KDM2A: variants seen among roughly 807,000 people sequenced by gnomAD.
KDM2A encodes lysine-specific demethylase 2A.
KDM2A carries 3 observed loss-of-function variants against 137.3 expected under a neutral mutation model. The observed-to-expected ratio is 0.02, with a 90% CI of 0.01 to 0.06. The LOEUF (loss-of-function observed/expected upper bound fraction) is 0.06, where lower values mean the gene tolerates loss of function less well. KDM2A is among the 10% of genes least tolerant of loss of function. The pLI, the probability that KDM2A is intolerant of heterozygous loss-of-function variation, is 1.00. For synonymous variants in KDM2A, 512 were observed against 541.5 expected (o/e 0.95, Z 0.76); for missense variants, 738 against 1,510.6 (o/e 0.49, Z 8.48).
At chr11:67,253,290 A>G (rs1056312912) in intron 18 of KDM2A, among the ~76,000 whole-genome samples, 163 bp from the exon 19 acceptor site, 1 of 152,242 alleles carries the variant, frequency 6.6e-6, no homozygotes, top group African/African-American at 2.4e-5. Flanking sequence ...TAGAAGATGT[A>G]GTATAGGATA....
chr11:67,144,710 C>T (rs1423353688), intron 2 of KDM2A, among the ~76,000 whole-genome samples: 3 of 151,414 alleles, frequency 2.0e-5, no homozygotes, highest in African/African-American at 4.9e-5. Context: ...AGTACCGGCA[C>T]GCACCACGAA....
chr11:67,217,712 A>T lies in KDM2A; in HGVS notation c.688-19A>T, dbSNP rs751785296. The stretch of plus-strand genomic sequence containing the variant: ...TCATGTCAATGGCTGTTAACAGACT[A>T]AAGTTTTTTAACTCACAGGTCTTCT... On this transcript the variant is annotated intron_variant, in intron 8 of 20. Coordinates refer to ENST00000529006, the MANE Select transcript of KDM2A (RefSeq NM_012308.3). 2 of 1,612,570 alleles carry T rather than the reference A, an allele frequency of 1.2e-6. No individual in the cohort carries two copies. Among genetic ancestry groups the T allele is most frequent in the East Asian group, 2.2e-5 (1 of 44,874 alleles).
intron 2 of KDM2A, among the ~76,000 whole-genome samples, chr11:67,126,400 C>T (rs1413347358): frequency 2.0e-5 from 3 of 151,808 alleles, no homozygotes; most frequent in African/African-American, 4.8e-5. Context: ...CATAGACCCC[C>T]GTTTCTCACA....
chr11:67,143,443 A>G (rs968827010), intron 2 of KDM2A: 1 of 152,076 alleles, frequency 6.6e-6, no homozygotes, highest in African/African-American at 2.4e-5. Context: ...TCCGTAAAAC[A>G]TAAATTTATA....
intron 5 of KDM2A, among the ~76,000 whole-genome samples, chr11:67,194,620 G>A (rs1318717888): frequency 6.6e-6 from 1 of 152,192 alleles, no homozygotes; most frequent in African/African-American, 2.4e-5. Context: ...ATACATATTG[G>A]TGATTGCCTA....
intron 5 of KDM2A, among the ~76,000 whole-genome samples, chr11:67,186,150 C>G (rs1420129136): frequency 6.6e-6 from 1 of 152,010 alleles, no homozygotes; most frequent in Admixed American, 6.6e-5. Context: ...CCAAACAGCT[C>G]AATGAACTCC....
chr11:67,226,493 C>T (rs903440338), intron 10 of KDM2A, among the ~76,000 whole-genome samples: 6 of 152,074 alleles, frequency 3.9e-5, no homozygotes, highest in East Asian at 1.9e-4. Flanking sequence ...GAGGCCAAGG[C>T]GGGCAGATCA....
At chr11:67,196,257 T>C (rs1226146368) in intron 5 of KDM2A, 1 of 456,052 alleles carries the variant, frequency 2.2e-6, no homozygotes, top group East Asian at 6.9e-5. Context: ...CTACCACTGC[T>C]GCCACCTCCA....
chr11:67,149,676 G>C (rs1426019246), intron 2 of KDM2A, among the ~76,000 whole-genome samples: 1 of 149,462 alleles, frequency 6.7e-6, no homozygotes. Context: ...GAATAGAAAA[G>C]ATAGTAATCT....
rs1235813625 is a variant in KDM2A, at chr11:67,249,978, A to G, written c.2056-108A>G. 3.3e-6 allele frequency: 3 copies of G among 904,062 alleles called. No individual in the cohort carries two copies. In the African/African-American group the frequency reaches 5.0e-5, roughly 15 times the overall value. 56.0% of individuals were successfully genotyped at this position (904,062 alleles called of 1,614,324 possible). ...AGGGAATGACCCCCTCTCCAACGTG[A>G]CCTTTCTTCTCTCTGGTCCCCTGAG... On this transcript the variant is annotated intron_variant, in intron 16 of 20. Transcript: ENST00000529006.
chr11:67,211,945 CAAAG>C (rs1419032078), intron 6 of KDM2A, among the ~76,000 whole-genome samples: 4 of 151,968 alleles, frequency 2.6e-5, no homozygotes, highest in Admixed American at 2.0e-4. Flanking sequence ...GTTAGAGACT[CAAAG>C]AAAGACAAGA....
intron 2 of KDM2A, among the ~76,000 whole-genome samples, chr11:67,170,335 C>T (rs150894253): frequency 3.2e-4 from 48 of 149,682 alleles, no homozygotes; most frequent in Admixed American, 1.0e-3. Context: ...TATCAGAAAT[C>T]TCTTACCCCA....
chr11:67,210,330 C>G (rs1186056979), intron 6 of KDM2A, among the ~76,000 whole-genome samples: 1 of 151,088 alleles, frequency 6.6e-6, no homozygotes, highest in African/African-American at 2.4e-5. Flanking sequence ...GACCTTGTTT[C>G]TACTTTTGAA....
chr11:67,252,266 CAA>C (rs1859451946), intron 17 of KDM2A: 1 of 192,108 alleles, frequency 5.2e-6, no homozygotes, highest in Admixed American at 5.4e-5. Flanking sequence ...GAGTGATTGA[CAA>C]GGGAGGGAAC....
chr11:67,132,353 G>A (rs1260221176), intron 2 of KDM2A, among the ~76,000 whole-genome samples: 1 of 152,092 alleles, frequency 6.6e-6, no homozygotes, highest in African/African-American at 2.4e-5. Flanking sequence ...GCACGATCTC[G>A]GCTCACTGTA....
chr11:67,182,343 G>A (rs1463207034), intron 5 of KDM2A, among the ~76,000 whole-genome samples: 1 of 152,050 alleles, frequency 6.6e-6, no homozygotes, highest in East Asian at 1.9e-4. Context: ...TTAAAATTGA[G>A]TCTTTTAATT....
At chr11:67,188,620 G>A (rs1319647129) in intron 5 of KDM2A, among the ~76,000 whole-genome samples, 1 of 151,596 alleles carries the variant, frequency 6.6e-6, no homozygotes, top group Non-Finnish European at 1.5e-5. Flanking sequence ...GTGAGACCTC[G>A]TCTCTACCAA....
At chr11:67,137,863 T>C (rs1010847073) in intron 2 of KDM2A, among the ~76,000 whole-genome samples, 3 of 152,132 alleles carry the variant, frequency 2.0e-5, no homozygotes, top group Non-Finnish European at 4.4e-5. Flanking sequence ...AGTGGTGCGA[T>C]CTCGGCTCAC....
At position 67,255,219 on chromosome 11, in the gene KDM2A, G is replaced by A. The variant is rs1038125286; in HGVS notation, c.*164G>A. On this transcript the variant is annotated 3_prime_UTR_variant, in exon 21 of 21. Coordinates refer to ENST00000529006, the MANE Select transcript of KDM2A (RefSeq NM_012308.3). ...CTACAGGTGGGGCAGAGAGGGTGGTGGACACCAGGCTTATCTGCCTGCTCC... is the reference window on the plus strand; with the variant it reads ...CTACAGGTGGGGCAGAGAGGGTGGTAGACACCAGGCTTATCTGCCTGCTCC... 6 of 637,226 alleles carry A rather than the reference G, an allele frequency of 9.4e-6. No individual in the cohort carries two copies. In the African/African-American group the frequency reaches 1.1e-4, roughly 12 times the overall value. The allele number at this position is 637,226 out of a possible 1,614,324, so 39.5% of individuals were successfully genotyped here.
Sources: gnomAD v4.1 joint callset for allele counts (sites outside exome capture counted in the v4.1 genomes callset) on GRCh38, gnomAD v4.1.1 for gene constraint, MANE v1.5 for transcripts, NCBI Gene and HGNC (gene_info 2026-07-23, HGNC 2026-07-21) for gene names.